The following PCDHA3 variants were observed in gnomAD, a reference collection of about 807,000 sequenced individuals.
The protein encoded by PCDHA3 is protocadherin alpha 3.
PCDHA3 carries 41 observed loss-of-function variants against 62.2 expected under a neutral mutation model. That is an observed-to-expected ratio of 0.66 (90% CI 0.51 to 0.86). PCDHA3 has a LOEUF of 0.86. Among genes scored for constraint, PCDHA3 ranks in the 40% least tolerant of loss-of-function variants. The pLI is 0.00. For synonymous variants in PCDHA3, 640 were observed against 555.4 expected, an observed-to-expected ratio of 1.15 and a Z score of -2.14; for missense variants, 1,304 against 1,241.2, an observed-to-expected ratio of 1.05 and a Z score of -0.76.
chr5:140,882,560 C>G (rs150463901), intron 1 of PCDHA3: 2 of 1,614,168 alleles, frequency 1.2e-6, no homozygotes, highest in African/African-American at 2.7e-5. Context: ...GCTGTGTGGG[C>G]GGAGCGCGGA....
At chr5:141,002,133 C>T (rs1172462824) in intron 3 of PCDHA3, among the ~76,000 whole-genome samples, 2 of 152,248 alleles carry the variant, frequency 1.3e-5, no homozygotes, top group African/African-American at 4.8e-5. Context: ...ATAGCCTTTG[C>T]CGGCTGCACT....
intron 3 of PCDHA3, among the ~76,000 whole-genome samples, chr5:140,988,221 T>A (rs1554249982): frequency 6.6e-6 from 1 of 152,016 alleles, no homozygotes; most frequent in Non-Finnish European, 1.5e-5. Context: ...AAAAATGAGA[T>A]CAGGGATCTA....
In PCDHA3 at chr5:140,802,692, G is replaced by A. The variant is rs1268823463; in HGVS notation, c.1495G>A (p.Val499Met). 2 of 1,612,888 alleles carry A rather than the reference G, an allele frequency of 1.2e-6. No individual in the cohort carries two copies. The highest frequency in any genetic ancestry group is 3.7e-4 in the Middle Eastern group (2 of 5,360). The change falls in exon 1 of 4, where the codon GTG becomes ATG. Residue 499 changes from valine (V) to methionine (M), a missense_variant. Physicochemically the swap from Val to Met is conservative, Grantham distance 21. Coordinates refer to ENST00000522353, the MANE Select transcript of PCDHA3 (RefSeq NM_018906.3). ...GTCCTACTCGCTGGTGGAACGGCGG[G>A]TGGGGGAGCGCGCGCTGTCGAGCTA... is the stretch of plus-strand genomic sequence containing the variant. The part of the protein sequence containing the change: ...LVSYSLVERR[V>M]GERALSSYVS...
Position 140,883,713 on chromosome 5 carries a change from C to G in PCDHA3, c.2394+80122C>G, listed in dbSNP as rs782438050. ...ATCTTCACGGTGTCTGCTCAGGACG[C>G]GGACGCACAGGAGAACGCGCTGGTC... On this transcript the variant is annotated intron_variant, in intron 1 of 3. Coordinates refer to ENST00000522353, the MANE Select transcript of PCDHA3 (RefSeq NM_018906.3). 2.5e-6 allele frequency: 4 copies of G among 1,613,520 alleles called. No homozygotes were observed. The East Asian group carries it at 8.9e-5, about 36-fold the overall frequency.
At chr5:140,830,282 G>A (rs1554132701) in intron 1 of PCDHA3, 1 of 1,613,704 alleles carries the variant, frequency 6.2e-7, no homozygotes, top group African/African-American at 1.3e-5. Flanking sequence ...CACCGAGGGC[G>A]CGTGCACGGC....
intron 2 of PCDHA3, 142 bp from the exon 3 acceptor site, chr5:140,982,333 A>C (rs2096978357): frequency 1.4e-6 from 2 of 1,438,566 alleles, no homozygotes; most frequent in Admixed American, 4.6e-5. Context: ...ACTGCTCAGC[A>C]GTAATTGCTT....
intron 1 of PCDHA3, among the ~76,000 whole-genome samples, chr5:140,838,114 GT>G (rs1730609309): frequency 6.7e-6 from 1 of 149,566 alleles, no homozygotes; most frequent in Non-Finnish European, 1.5e-5. Context: ...GTGTGTGTGT[GT>G]GTGTGTGTGT....
In PCDHA3 at chr5:141,010,017, T is replaced by C; in HGVS notation, c.*80T>C. 1.3e-6 allele frequency: 2 copies of C among 1,571,154 alleles called. No individual in the cohort carries two copies. Among genetic ancestry groups the C allele is most frequent in the Non-Finnish European group, 1.7e-6 (2 of 1,162,678 alleles). On this transcript the variant is annotated 3_prime_UTR_variant, in exon 4 of 4. Transcript: ENST00000522353. ...CTCCCATGTAGCAATTCCCTGCTCC[T>C]TTTTCCTATCTACATGAGCCCTCTT...
chr5:140,861,130 A>C (rs1554154191), intron 1 of PCDHA3: 1 of 153,606 alleles, frequency 6.5e-6, no homozygotes, highest in Non-Finnish European at 1.4e-5. Flanking sequence ...CATTAAGACC[A>C]CTTGGAACCT....
chr5:140,912,889 G>T (rs782116758), intron 1 of PCDHA3, among the ~76,000 whole-genome samples: 8 of 152,140 alleles, frequency 5.3e-5, no homozygotes, highest in Non-Finnish European at 1.2e-4. Context: ...TCATTCTGTT[G>T]ATATGATGTA....
chr5:140,828,508 A>G (rs2150156206), intron 1 of PCDHA3: 4 of 1,614,216 alleles, frequency 2.5e-6, no homozygotes, highest in Non-Finnish European at 3.4e-6. Flanking sequence ...AGGAACAAAG[A>G]GTGCTGATTT....
At chr5:140,807,132 T>C in intron 1 of PCDHA3, 3 of 1,559,298 alleles carry the variant, frequency 1.9e-6, no homozygotes, top group Non-Finnish European at 1.7e-6. Context: ...GATTAAAAGA[T>C]TTCCCTTGAC....
intron 1 of PCDHA3, among the ~76,000 whole-genome samples, chr5:140,806,395 G>A (rs1763725302): frequency 6.6e-6 from 1 of 152,188 alleles, no homozygotes; most frequent in Non-Finnish European, 1.5e-5. Flanking sequence ...TCTCATGGGA[G>A]CAAATGAGTT....
At chr5:140,819,922 A>G (rs1766652146) in intron 1 of PCDHA3, among the ~76,000 whole-genome samples, 1 of 152,032 alleles carries the variant, frequency 6.6e-6, no homozygotes, top group African/African-American at 2.4e-5. Context: ...TGTTAATACT[A>G]CATTGTTAAT....
rs2150421063 is a variant in PCDHA3, at chr5:140,848,806, T to C, written c.2394+45215T>C. The C allele has an allele frequency of 8.8e-6, 14 of 1,591,932 alleles. 1 individual carries two copies. The South Asian group carries it at 1.4e-4, about 16-fold the overall frequency. The stretch of plus-strand genomic sequence containing the variant: ...TGCGGGCGGAGCGCGGAGTGCAGCA[T>C]CCACCTGGAGGTGATCGTAGACAGG... On this transcript the variant is annotated intron_variant, in intron 1 of 3. Coordinates refer to ENST00000522353, the MANE Select transcript of PCDHA3 (RefSeq NM_018906.3).
At position 140,879,431 on chromosome 5, in the gene PCDHA3, T is replaced by G. The variant is rs78313657; in HGVS notation, c.2394+75840T>G. 2.0e-5 allele frequency among the ~76,000 whole-genome samples: 3 copies of G among 152,202 alleles called. No homozygotes were observed. In the East Asian group the frequency reaches 5.8e-4, roughly 29 times the overall value. The stretch of plus-strand genomic sequence containing the variant: ...AGCAGGTAGGGAATGGAGATGAACA[T>G]TTAAGAAAATGTTACTTTGAAGTCC... On this transcript the variant is annotated intron_variant, in intron 1 of 3. Transcript: ENST00000522353.
intron 1 of PCDHA3, among the ~76,000 whole-genome samples, chr5:140,948,711 C>CT (rs1443735728): frequency 6.8e-6 from 1 of 147,398 alleles, no homozygotes; most frequent in African/African-American, 2.7e-5. Context: ...GTTCTATCCT[C>CT]TTTTTTATCA....
intron 1 of PCDHA3, chr5:140,968,969 A>G (rs1554231287): frequency 1.9e-6 from 3 of 1,614,230 alleles, no homozygotes; most frequent in Non-Finnish European, 2.5e-6. Context: ...CTACCGCTAC[A>G]CTGCGTATGG....
chr5:140,926,641 C>A, intron 1 of PCDHA3: 1 of 460,388 alleles, frequency 2.2e-6, no homozygotes, highest in Non-Finnish European at 3.6e-6. Flanking sequence ...TCCTCAACAC[C>A]CGGCCGGCTC....
Sources: allele counts gnomAD v4.1 joint callset (sites outside exome capture counted in the v4.1 genomes callset), GRCh38; gene constraint gnomAD v4.1.1; transcripts MANE v1.5; gene names NCBI Gene and HGNC (gene_info 2026-07-23, HGNC 2026-07-21).